The following RALY variants were observed in gnomAD, a reference collection of about 807,000 sequenced individuals.
The protein encoded by RALY is RNA-binding protein Raly.
Under a neutral mutation model 30.7 loss-of-function variants are expected in RALY, and 15 were observed. That is an observed-to-expected ratio of 0.49 (90% CI 0.33 to 0.75). RALY has a LOEUF of 0.75. Among genes scored for constraint, RALY ranks in the 30% least tolerant of loss-of-function variants. RALY has a pLI of 0.02. For synonymous variants in RALY, 177 were observed against 170.8 expected (o/e 1.04, Z -0.28); for missense variants, 339 against 414.3 (o/e 0.82, Z 1.58).
At chr20:34,051,761 A>G (rs2033086711) in intron 2 of RALY, among the ~76,000 whole-genome samples, 1 of 151,912 alleles carries the variant, frequency 6.6e-6, no homozygotes. Context: ...ACACCTGGCT[A>G]ATTTTTTTTG....
intron 2 of RALY, among the ~76,000 whole-genome samples, chr20:34,067,998 T>C (rs1163680849): frequency 6.6e-6 from 1 of 152,092 alleles, no homozygotes; most frequent in East Asian, 1.9e-4. Flanking sequence ...AAGTTTTTAC[T>C]GTGGGTAAAA....
At chr20:34,039,491 T>TC (rs2123127520) in intron 2 of RALY, among the ~76,000 whole-genome samples, 1 of 152,374 alleles carries the variant, frequency 6.6e-6, no homozygotes, top group East Asian at 1.9e-4. Context: ...TTCAGGGCTT[T>TC]CTGAAATTTC....
chr20:33,995,927 C>T (rs2122952170), intron 1 of RALY, among the ~76,000 whole-genome samples: 1 of 152,266 alleles, frequency 6.6e-6, no homozygotes, highest in African/African-American at 2.4e-5. Flanking sequence ...GTCAGGAATC[C>T]TGAGTAATTG....
chr20:34,048,748 C>T (rs945627541), intron 2 of RALY, among the ~76,000 whole-genome samples: 5 of 148,710 alleles, frequency 3.4e-5, no homozygotes, highest in South Asian at 2.2e-4. Flanking sequence ...CCCAGCTACT[C>T]GGGAAGCTGA....
intron 2 of RALY, among the ~76,000 whole-genome samples, chr20:34,066,281 C>G (rs898521578): frequency 2.6e-5 from 4 of 150,944 alleles, no homozygotes; most frequent in African/African-American, 9.8e-5. Flanking sequence ...GAGTTCGAGA[C>G]CAGCCTGACT....
At chr20:34,011,041 G>T (rs1051174524) in intron 1 of RALY, among the ~76,000 whole-genome samples, 2 of 106,574 alleles carry the variant, frequency 1.9e-5, no homozygotes, top group South Asian at 3.9e-4. Flanking sequence ...GTGGGGGGGG[G>T]GTTCTCAAAC....
chr20:34,038,112 T>C (rs2032568985), intron 2 of RALY, among the ~76,000 whole-genome samples: 2 of 152,206 alleles, frequency 1.3e-5, no homozygotes, highest in African/African-American at 2.4e-5. Context: ...CAAAGGGCTC[T>C]GGGCTCTATG....
At chr20:34,077,860 A>G (rs1405105423) in intron 8 of RALY, among the ~76,000 whole-genome samples, 1 of 152,246 alleles carries the variant, frequency 6.6e-6, no homozygotes, top group Non-Finnish European at 1.5e-5. Context: ...CATAACCTTA[A>G]CAAGAGCCCT....
intron 2 of RALY, among the ~76,000 whole-genome samples, chr20:34,043,039 A>G (rs546073440): frequency 7.5e-4 from 115 of 152,370 alleles, no homozygotes; most frequent in African/African-American, 2.6e-3. Flanking sequence ...ATCCCAACCC[A>G]GGAAGGCAGC....
intron 1 of RALY, among the ~76,000 whole-genome samples, chr20:34,028,269 G>C (rs375999533): frequency 5.8e-4 from 87 of 148,894 alleles, no homozygotes; most frequent in Admixed American, 2.1e-3. Context: ...CTGGGCAACA[G>C]AGCAAGACCC....
At chr20:34,055,294 T>C (rs2300209) in intron 2 of RALY, among the ~76,000 whole-genome samples, 79,781 of 152,148 alleles carry the variant, frequency 0.52, 23,119 homozygotes, top group South Asian at 0.75. Context: ...GCAATTAATA[T>C]AATGATCATT....
At chr20:34,075,773 TCCCAGC>T in intron 5 of RALY, 95 bp from the exon 6 acceptor site, 1 of 1,346,286 alleles carries the variant, frequency 7.4e-7, no homozygotes, top group Non-Finnish European at 1.0e-6. Context: ...AGTGCAGGCC[TCCCAGC>T]CCCTCACCAG....
At chr20:34,011,309 C>T (rs1389822449) in intron 1 of RALY, among the ~76,000 whole-genome samples, 2 of 152,176 alleles carry the variant, frequency 1.3e-5, no homozygotes, top group African/African-American at 4.8e-5. Context: ...GTGGGTCTGG[C>T]ATCGCCAGAC....
At chr20:34,053,749 G>T (rs932019378) in intron 2 of RALY, among the ~76,000 whole-genome samples, 3 of 152,020 alleles carry the variant, frequency 2.0e-5, no homozygotes, top group Non-Finnish European at 2.9e-5. Context: ...ATTAACTTAT[G>T]GTCTCCTAAC....
At chr20:34,029,390 A>G (rs2032176026) in intron 1 of RALY, among the ~76,000 whole-genome samples, 2 of 150,778 alleles carry the variant, frequency 1.3e-5, no homozygotes. Flanking sequence ...GTGAGCCAAG[A>G]TCGCGCCAGG....
chr20:34,013,359 A>C (rs2031484744), intron 1 of RALY, among the ~76,000 whole-genome samples: 1 of 150,740 alleles, frequency 6.6e-6, no homozygotes, highest in Admixed American at 6.7e-5. Flanking sequence ...GGCTGTAGTA[A>C]GCCTTGATTG....
rs909610360 is a variant in RALY at position 33,994,106 on chromosome 20, G to A, written c.-118G>A. The A allele has an allele frequency of 3.3e-5, 5 of 152,398 alleles. No homozygotes were observed. The highest frequency in any genetic ancestry group is 4.8e-5 in the African/African-American group (2 of 41,456). 9.4% of individuals were successfully genotyped at this position (152,398 alleles called of 1,614,324 possible). A position where few individuals can be genotyped will look rare whatever the true frequency, so the allele number is the denominator to read the frequency against. ...AGTACCGCCTCCTTCCCAGCCGCGCGGCTTCCTCCAGACCTCTCGGCGCGG... is the reference window on the plus strand; with the variant it reads ...AGTACCGCCTCCTTCCCAGCCGCGCAGCTTCCTCCAGACCTCTCGGCGCGG... On this transcript the variant is annotated 5_prime_UTR_variant, in exon 1 of 10. Transcript: ENST00000246194.
At chr20:33,998,273 T>C (rs1311904051) in intron 1 of RALY, among the ~76,000 whole-genome samples, 1 of 152,066 alleles carries the variant, frequency 6.6e-6, no homozygotes, top group Non-Finnish European at 1.5e-5. Flanking sequence ...AACCCAGCAT[T>C]GGAAGGTCAG....
chr20:34,008,844 G>C (rs139610641), intron 1 of RALY, among the ~76,000 whole-genome samples: 122 of 152,258 alleles, frequency 8.0e-4, no homozygotes, highest in African/African-American at 2.7e-3. Flanking sequence ...TTTTTTTGTA[G>C]AGATGAGTTA....
Sources: gnomAD v4.1 joint callset for allele counts (sites outside exome capture counted in the v4.1 genomes callset) on GRCh38, gnomAD v4.1.1 for gene constraint, MANE v1.5 for transcripts, NCBI Gene and HGNC (gene_info 2026-07-23, HGNC 2026-07-21) for gene names.